ZHX3: variants seen among roughly 807,000 people sequenced by gnomAD.
ZHX3 encodes zinc fingers and homeoboxes 3.
ZHX3 carries 20 observed loss-of-function variants against 64.5 expected under a neutral mutation model. The ratio of observed to expected loss-of-function variants is 0.31; its 90% CI spans 0.22 to 0.45. The LOEUF (loss-of-function observed/expected upper bound fraction) is 0.45. Ranked by LOEUF, ZHX3 falls within the 20% of genes least tolerant of loss-of-function variation. The pLI is 1.00. For missense variants in ZHX3, 1,041 were observed against 1,195.8 expected, an observed-to-expected ratio of 0.87 and a Z score of 1.91; for synonymous variants, 423 against 461.6, an observed-to-expected ratio of 0.92 and a Z score of 1.07.
At chr20:41,243,579 T>C (rs1156701285) in intron 2 of ZHX3, among the ~76,000 whole-genome samples, 1 of 152,184 alleles carries the variant, frequency 6.6e-6, no homozygotes, top group Non-Finnish European at 1.5e-5. Context: ...TGGACAATTA[T>C]AGTTGGATAC....
At chr20:41,286,467 A>G (rs2043940000) in intron 1 of ZHX3, among the ~76,000 whole-genome samples, 1 of 152,212 alleles carries the variant, frequency 6.6e-6, no homozygotes, top group Non-Finnish European at 1.5e-5. Context: ...GCTGCTGTCG[A>G]AAAGTCTTCT....
Position 41,200,388 on chromosome 20 carries a change from G to T in ZHX3, c.2860+1669C>A, listed in dbSNP as rs1259224053. Reference sequence around the variant, plus strand: ...GTATATTACAAGAAGCACAGAGCTGGGTATAATATAAGGACCAACTTACAA... The same window carrying T: ...GTATATTACAAGAAGCACAGAGCTGTGTATAATATAAGGACCAACTTACAA... On this transcript the variant is annotated intron_variant, in intron 3 of 3. Coordinates refer to ENST00000683867, the MANE Select transcript of ZHX3 (RefSeq NM_001384317.1). The surrounding 1 kb of genome is among the most constrained non-coding windows in gnomAD (Gnocchi z 4.2). 6.6e-6 allele frequency among the ~76,000 whole-genome samples: 1 copy of T among 152,144 alleles called. No homozygotes were observed. Among genetic ancestry groups the T allele is most frequent in the East Asian group, 1.9e-4 (1 of 5,202 alleles).
chr20:41,205,649 C>T (rs1364948417), intron 2 of ZHX3, among the ~76,000 whole-genome samples: 2 of 152,152 alleles, frequency 1.3e-5, no homozygotes, highest in African/African-American at 4.8e-5. Context: ...CGCACTTATT[C>T]CAGGCCACAG....
intron 2 of ZHX3, among the ~76,000 whole-genome samples, chr20:41,234,813 G>A (rs1829135977): frequency 6.6e-6 from 1 of 152,224 alleles, no homozygotes; most frequent in South Asian, 2.1e-4. Context: ...AGGCCTTCCT[G>A]CTGGCATTCT....
chr20:41,202,942 A>G lies in ZHX3; in HGVS notation c.1975T>C (p.Trp659Arg). The G allele has an allele frequency of 1.9e-6, 3 of 1,614,106 alleles. No homozygotes were observed. The highest frequency in any genetic ancestry group is 1.1e-5 in the South Asian group (1 of 91,072). Residue 659 changes from tryptophan (W) to arginine (R), a missense_variant, in exon 3 of 4, where the codon TGG (tryptophan) becomes CGG (arginine). Coordinates refer to ENST00000683867, the MANE Select transcript of ZHX3 (RefSeq NM_001384317.1). This position sits in a 1 kb window ranked among gnomAD's most constrained non-coding sequence, Gnocchi z 7.0. ...ACTTTTTTCCGTCTCTCTGAAAACCAGCTATCAATTTCTCGTCGGGTCATT... is the reference window on the plus strand; with the variant it reads ...ACTTTTTTCCGTCTCTCTGAAAACCGGCTATCAATTTCTCGTCGGGTCATT... ...TKMTRREIDS[W>R]FSERRKKVNA...
intron 1 of ZHX3, among the ~76,000 whole-genome samples, chr20:41,291,216 A>T (rs1312945922): frequency 6.6e-6 from 1 of 152,234 alleles, no homozygotes; most frequent in African/African-American, 2.4e-5. Context: ...CACAACCGAA[A>T]GAGAAGCTGC....
In ZHX3 at chr20:41,215,898, G is replaced by A. The variant is rs552010600; in HGVS notation, c.-150-10832C>T. On this transcript the variant is annotated intron_variant, in intron 2 of 3. Transcript: ENST00000683867. ...ACCCAGGAGGCGGAGCTTGCAGTGA[G>A]CAGAGATGGCGCCACTGCACTCCAG... Among the ~76,000 whole-genome samples the A allele has an allele frequency of 1.3e-3, 200 of 150,550 alleles. 1 individual carries two copies. Among genetic ancestry groups the A allele is most frequent in the Non-Finnish European group, 2.1e-3 (143 of 67,748 alleles).
At chr20:41,268,485 T>C (rs1038186975) in intron 2 of ZHX3, among the ~76,000 whole-genome samples, 4 of 152,244 alleles carry the variant, frequency 2.6e-5, no homozygotes, top group African/African-American at 2.4e-5. Context: ...ATGTCCATCA[T>C]TAAATACACT....
chr20:41,254,837 G>C (rs1019124197), intron 2 of ZHX3, among the ~76,000 whole-genome samples: 1 of 152,118 alleles, frequency 6.6e-6, no homozygotes, highest in African/African-American at 2.4e-5. Context: ...ACCCCTCAAG[G>C]AGTTGATAAC....
intron 1 of ZHX3, among the ~76,000 whole-genome samples, chr20:41,291,597 A>AT (rs1455010165): frequency 2.6e-5 from 4 of 151,808 alleles, no homozygotes; most frequent in South Asian, 4.2e-4. Flanking sequence ...TATACTATAT[A>AT]TTTTGTGGGT....
chr20:41,294,106 G>C (rs1189766822), intron 1 of ZHX3, among the ~76,000 whole-genome samples: 1 of 152,168 alleles, frequency 6.6e-6, no homozygotes, highest in East Asian at 1.9e-4. Context: ...AATGAGTTAA[G>C]AAAGGATGAC....
At position 41,186,911 on chromosome 20, in the gene ZHX3, T is replaced by C. The variant is rs565395380; in HGVS notation, c.2861-1710A>G. 2.8e-4 allele frequency among the ~76,000 whole-genome samples: 42 copies of C among 152,360 alleles called. No homozygotes were observed. The South Asian group carries it at 8.5e-3, about 31-fold the overall frequency. ...TATGATTTTCAGCTCTTTTCTCCCA[T>C]TCTGTGGGTTCTTTCATTCTTTTAA... On this transcript the variant is annotated intron_variant, in intron 3 of 3. Transcript: ENST00000683867.
At chr20:41,235,202 AAAAC>A (rs374674176) in intron 2 of ZHX3, among the ~76,000 whole-genome samples, 19 of 152,278 alleles carry the variant, frequency 1.2e-4, no homozygotes, top group Non-Finnish European at 2.1e-4. Context: ...CAACAACAAC[AAAAC>A]AAACAAACAA....
At chr20:41,296,395 G>A (rs6072336) in intron 1 of ZHX3, among the ~76,000 whole-genome samples, 87,631 of 151,836 alleles carry the variant, frequency 0.58, 26,512 homozygotes, top group East Asian at 0.82. Flanking sequence ...CTGTCACCAC[G>A]GGGATCACCA....
At chr20:41,304,237 A>G (rs1027499320) in intron 1 of ZHX3, among the ~76,000 whole-genome samples, 1 of 152,014 alleles carries the variant, frequency 6.6e-6, no homozygotes, top group Non-Finnish European at 1.5e-5. Flanking sequence ...CTTACTCTAC[A>G]TACTATACTT....
At position 41,305,290 on chromosome 20, in the gene ZHX3, C is replaced by T. The variant is rs1031546716; in HGVS notation, c.-245+12219G>A. Among the ~76,000 whole-genome samples, 6 of 152,130 alleles carry T rather than the reference C, an allele frequency of 3.9e-5. No individual in the cohort carries two copies. The South Asian group carries it at 8.3e-4, about 21-fold the overall frequency. On this transcript the variant is annotated intron_variant, in intron 1 of 3. Coordinates refer to ENST00000683867, the MANE Select transcript of ZHX3 (RefSeq NM_001384317.1). ...ATCCCAGCACTTTGGGAAGCCAATG[C>T]GGGTGGATTGCTTGATCCCAGGTGA...
Position 41,204,042 on chromosome 20 carries a change from G to T in ZHX3, c.875C>A (p.Thr292Lys). 6.2e-7 allele frequency: 1 copy of T among 1,613,822 alleles called. No individual in the cohort carries two copies. ...CATCACTTTGGGAAGGGCCTTGGCC[G>T]TGGGCAGTGGCTGGTGGACATGGTG... ...AQHHVHQPLP[T>K]AKALPKVMIP... The change falls in exon 3 of 4, where the codon ACG becomes AAG. Residue 292 changes from threonine to lysine, a missense_variant. Thr to Lys is a moderately conservative substitution (Grantham distance 78, BLOSUM62 -1). Transcript: ENST00000683867. This position sits in a 1 kb window ranked among gnomAD's most constrained non-coding sequence, Gnocchi z 6.6.
chr20:41,301,643 A>G (rs1329013661), intron 1 of ZHX3, among the ~76,000 whole-genome samples: 3 of 152,028 alleles, frequency 2.0e-5, no homozygotes, highest in Non-Finnish European at 2.9e-5. Context: ...CTGTGTTTGC[A>G]CAGGTCCTGC....
Position 41,212,439 on chromosome 20 carries a change from A to G in ZHX3, c.-150-7373T>C, listed in dbSNP as rs564841144. On this transcript the variant is annotated intron_variant, in intron 2 of 3. Coordinates refer to ENST00000683867, the MANE Select transcript of ZHX3 (RefSeq NM_001384317.1). This position sits in a 1 kb window ranked among gnomAD's most constrained non-coding sequence, Gnocchi z 4.3. ...CTCACGTATTGCTGATGAAAATGTA[A>G]AATGGTATAGCCACTTTGGAAAACT... Among the ~76,000 whole-genome samples the G allele has an allele frequency of 1.9e-3, 284 of 152,312 alleles. 2 individuals carry two copies. The highest frequency in any genetic ancestry group is 9.9e-3 in the South Asian group (48 of 4,826).
Sources: allele counts gnomAD v4.1 joint callset (sites outside exome capture counted in the v4.1 genomes callset), GRCh38; gene constraint gnomAD v4.1.1; non-coding constraint Gnocchi (gnomAD v3.1); transcripts MANE v1.5; gene names NCBI Gene and HGNC (gene_info 2026-07-23, HGNC 2026-07-21).